The following DNER variants were observed in gnomAD, a reference collection of about 807,000 sequenced individuals.
DNER encodes the protein delta/notch like EGF repeat containing.
In DNER, 33 loss-of-function variants were observed where a neutral mutation model predicts 78.2. The observed-to-expected ratio is 0.42, with a 90% CI of 0.32 to 0.56. The LOEUF (loss-of-function observed/expected upper bound fraction) is 0.56. Ranked by LOEUF, DNER falls within the 20% of genes least tolerant of loss-of-function variation. The probability of loss-of-function intolerance (pLI) is 0.11; values close to 1 mark genes in which losing one functional copy is unlikely to be tolerated. For missense variants in DNER, 918 were observed against 975.3 expected, an observed-to-expected ratio of 0.94 and a Z score of 0.78; for synonymous variants, 417 against 384.8, an observed-to-expected ratio of 1.08 and a Z score of -0.98.
intron 9 of DNER, among the ~76,000 whole-genome samples, chr2:229,411,106 T>G (rs1260338578): frequency 6.6e-6 from 1 of 152,224 alleles, no homozygotes; most frequent in Non-Finnish European, 1.5e-5. Flanking sequence ...CTTATCCTTT[T>G]TGTATTTATC....
chr2:229,671,877 C>T (rs1283269263), intron 1 of DNER, among the ~76,000 whole-genome samples: 1 of 152,174 alleles, frequency 6.6e-6, no homozygotes. Flanking sequence ...AGAGGGAAGG[C>T]ACTGAGTGTA....
chr2:229,512,990 C>T lies in DNER; in HGVS notation c.994-54G>A, dbSNP rs890529754. The T allele has an allele frequency of 5.8e-6, 9 of 1,549,964 alleles. No individual in the cohort carries two copies. In the Admixed American group the frequency reaches 5.9e-5, roughly 10 times the overall value. ...TTACCTGGCACCTCTCAACAGTGTG[C>T]TTTGGCTGTGAGACTCAAAGTTTGA... On this transcript the variant is annotated intron_variant, in intron 5 of 12. Transcript: ENST00000341772.
At position 229,633,178 on chromosome 2, in the gene DNER, T is replaced by C. The variant is rs374538183; in HGVS notation, c.277-41290A>G. Among the ~76,000 whole-genome samples the C allele has an allele frequency of 2.4e-4, 36 of 152,312 alleles. No individual in the cohort carries two copies. The East Asian group carries it at 3.7e-3, about 15-fold the overall frequency. On this transcript the variant is annotated intron_variant, in intron 1 of 12. Coordinates refer to ENST00000341772, the MANE Select transcript of DNER (RefSeq NM_139072.4). ...TCTTAATGGTAAATTTCAGGACAAC[T>C]GAATGTATGACACTAGATAATGGTT...
At chr2:229,597,252 C>G (rs984431207) in intron 1 of DNER, among the ~76,000 whole-genome samples, 5 of 152,158 alleles carry the variant, frequency 3.3e-5, no homozygotes, top group African/African-American at 1.2e-4. Flanking sequence ...CAGCTTTCTG[C>G]CATTATTTTC....
chr2:229,381,381 C>CA (rs1437403741), intron 11 of DNER, among the ~76,000 whole-genome samples: 1 of 151,672 alleles, frequency 6.6e-6, no homozygotes, highest in Non-Finnish European at 1.5e-5. Context: ...TGCAGGAGTA[C>CA]TTTTTTTTTC....
rs141966766 is a variant in DNER at position 229,452,870 on chromosome 2, C to T, written c.1262-5330G>A. On this transcript the variant is annotated intron_variant, in intron 7 of 12. Transcript: ENST00000341772. ...CTTGAACTCCTGACCTCAAGTGATC[C>T]ACTCGCCTCAGCCTCCCAAAGTGCT... is the stretch of plus-strand genomic sequence containing the variant. Among the ~76,000 whole-genome samples the T allele has an allele frequency of 9.3e-3, 1,415 of 152,282 alleles. 30 individuals are homozygous for T. Among genetic ancestry groups the T allele is most frequent in the African/African-American group, 0.032 (1,345 of 41,552 alleles).
chr2:229,583,205 C>T lies in DNER; in HGVS notation c.847+2653G>A, dbSNP rs181842524. The stretch of plus-strand genomic sequence containing the variant: ...AAAATATGAACTTATACAGATGCTC[C>T]TCAACTTGCAGTGAGGTCATATCCC... On this transcript the variant is annotated intron_variant, in intron 4 of 12. Transcript: ENST00000341772. 7.8e-3 allele frequency among the ~76,000 whole-genome samples: 1,188 copies of T among 152,284 alleles called. 8 individuals are homozygous for T. The highest frequency in any genetic ancestry group is 0.012 in the Non-Finnish European group (790 of 68,018).
intron 7 of DNER, among the ~76,000 whole-genome samples, chr2:229,464,836 A>C (rs1025641599): frequency 6.6e-6 from 1 of 152,152 alleles, no homozygotes; most frequent in African/African-American, 2.4e-5. Flanking sequence ...CCTATGAAGA[A>C]GGGTACAGGG....
At chr2:229,620,547 C>T (rs1299171822) in intron 1 of DNER, among the ~76,000 whole-genome samples, 1 of 152,198 alleles carries the variant, frequency 6.6e-6, no homozygotes, top group African/African-American at 2.4e-5. Context: ...CAGAAGCAGC[C>T]CTCTGCGGTT....
chr2:229,546,147 AATTGAAGCTGTAC>A (rs1331619762), intron 5 of DNER, among the ~76,000 whole-genome samples: 1 of 152,206 alleles, frequency 6.6e-6, no homozygotes, highest in African/African-American at 2.4e-5. Flanking sequence ...ACTGGCATAT[AATTGAAGCTGTAC>A]ATTCTGAGGA....
At chr2:229,536,370 T>C (rs146657872) in intron 5 of DNER, among the ~76,000 whole-genome samples, 6 of 152,234 alleles carry the variant, frequency 3.9e-5, no homozygotes, top group Non-Finnish European at 8.8e-5. Context: ...AGAGAAGAGA[T>C]GCTCACGAAA....
intron 1 of DNER, among the ~76,000 whole-genome samples, chr2:229,700,892 CAAAA>C (rs1393123838): frequency 1.5e-5 from 1 of 67,674 alleles, no homozygotes; most frequent in African/African-American, 5.5e-5. Context: ...GACTCCGTCT[CAAAA>C]AAAAAAAAAA....
chr2:229,713,416 G>A (rs1699938896), intron 1 of DNER, among the ~76,000 whole-genome samples: 1 of 152,208 alleles, frequency 6.6e-6, no homozygotes, highest in Admixed American at 6.5e-5. Flanking sequence ...GCGGCTTCCC[G>A]GTGCCCTGCT....
intron 7 of DNER, among the ~76,000 whole-genome samples, chr2:229,471,559 T>G (rs1275618574): frequency 6.6e-6 from 1 of 152,096 alleles, no homozygotes; most frequent in Admixed American, 6.6e-5. Flanking sequence ...ATATTTGAAT[T>G]AAAGACTTTT....
chr2:229,469,599 A>G (rs575273616), intron 7 of DNER, among the ~76,000 whole-genome samples: 136 of 152,314 alleles, frequency 8.9e-4, no homozygotes, highest in African/African-American at 3.2e-3. Flanking sequence ...AAACTCAGCA[A>G]AGTCTACTTG....
chr2:229,658,018 A>T (rs1446830386), intron 1 of DNER, among the ~76,000 whole-genome samples: 2 of 152,258 alleles, frequency 1.3e-5, no homozygotes, highest in Non-Finnish European at 2.9e-5. Context: ...AAAATGAAAC[A>T]GTGAATTGAA....
intron 1 of DNER, among the ~76,000 whole-genome samples, chr2:229,610,250 C>T (rs747552696): frequency 6.6e-6 from 1 of 152,158 alleles, no homozygotes; most frequent in Non-Finnish European, 1.5e-5. Flanking sequence ...GAAAAGGGAG[C>T]ATTTGTGGCC....
At chr2:229,506,257 G>T (rs893346057) in intron 6 of DNER, among the ~76,000 whole-genome samples, 1 of 152,108 alleles carries the variant, frequency 6.6e-6, no homozygotes, top group African/African-American at 2.4e-5. Flanking sequence ...TTACATGCTG[G>T]CAGGAAAGAG....
In DNER at chr2:229,646,464, A is replaced by T. The variant is rs184985638; in HGVS notation, c.277-54576T>A. 1.1e-3 allele frequency among the ~76,000 whole-genome samples: 172 copies of T among 152,362 alleles called. 1 individual carries two copies. The highest frequency in any genetic ancestry group is 4.0e-3 in the African/African-American group (166 of 41,588). ...ATAAATTTGCATTTGTATTTTGCTG[A>T]TGCTGACCAAGTACATTATGCTTGT... On this transcript the variant is annotated intron_variant, in intron 1 of 12. Transcript: ENST00000341772.
Sources: allele counts gnomAD v4.1 joint callset (sites outside exome capture counted in the v4.1 genomes callset), GRCh38; gene constraint gnomAD v4.1.1; transcripts MANE v1.5; gene names NCBI Gene and HGNC (gene_info 2026-07-23, HGNC 2026-07-21).